SPIDR: variants seen among roughly 807,000 people sequenced by gnomAD.
The protein encoded by SPIDR is DNA repair-scaffolding protein.
SPIDR carries 93 observed loss-of-function variants against 104.6 expected under a neutral mutation model. That is an observed-to-expected ratio of 0.89 (90% confidence interval 0.75 to 1.06). SPIDR has a LOEUF of 1.06. SPIDR is among the 50% of genes least tolerant of loss of function. The pLI is 0.00. For missense variants in SPIDR, 1,154 were observed against 1,111.2 expected, an observed-to-expected ratio of 1.04 and a Z score of -0.55; for synonymous variants, 431 against 416.9, an observed-to-expected ratio of 1.03 and a Z score of -0.41.
At chr8:47,578,194 C>T (rs1026990295) in intron 8 of SPIDR, among the ~76,000 whole-genome samples, 1 of 152,142 alleles carries the variant, frequency 6.6e-6, no homozygotes, top group East Asian at 1.9e-4. Flanking sequence ...CATAATCAGC[C>T]GGGTGCGGTG....
chr8:47,545,304 A>T (rs997140579), intron 8 of SPIDR, among the ~76,000 whole-genome samples: 1 of 151,674 alleles, frequency 6.6e-6, no homozygotes, highest in Non-Finnish European at 1.5e-5. Flanking sequence ...TCCTGACCTA[A>T]GTGATTCGCC....
In SPIDR at chr8:47,583,142, C is replaced by G. The variant is rs564482206; in HGVS notation, c.1098-12669C>G. Among the ~76,000 whole-genome samples, 618 of 141,182 alleles carry G rather than the reference C, an allele frequency of 4.4e-3. 6 individuals carry two copies. The highest frequency in any genetic ancestry group is 0.016 in the African/African-American group (585 of 37,262). 92.6% of individuals were successfully genotyped at this position (141,182 alleles called of 152,430 possible). A position where few individuals can be genotyped will look rare whatever the true frequency, so the allele number is the denominator to read the frequency against. ...TGCAACCCTGTCTCTACTAAAAATA[C>G]AAAAAAAAAAAAAATTAGCCGGGCG... On this transcript the variant is annotated intron_variant, in intron 8 of 19. Coordinates refer to ENST00000297423, the MANE Select transcript of SPIDR (RefSeq NM_001080394.4).
intron 5 of SPIDR, among the ~76,000 whole-genome samples, chr8:47,350,764 A>G (rs1286994919): frequency 2.0e-5 from 3 of 152,234 alleles, no homozygotes; most frequent in Non-Finnish European, 4.4e-5. Flanking sequence ...ATTTGAAAGC[A>G]GTACTATAAC....
intron 8 of SPIDR, among the ~76,000 whole-genome samples, chr8:47,472,906 C>T (rs1554721823): frequency 6.6e-6 from 1 of 152,192 alleles, no homozygotes; most frequent in Non-Finnish European, 1.5e-5. Flanking sequence ...AAGGTAAAGA[C>T]TGGAAAAGCA....
chr8:47,663,603 C>G (rs1246156812), intron 10 of SPIDR, among the ~76,000 whole-genome samples: 1 of 152,228 alleles, frequency 6.6e-6, no homozygotes, highest in Non-Finnish European at 1.5e-5. Context: ...GCATGTGTTG[C>G]ACTTCCATTA....
At chr8:47,681,593 CAT>C (rs999668262) in intron 11 of SPIDR, among the ~76,000 whole-genome samples, 3 of 152,116 alleles carry the variant, frequency 2.0e-5, no homozygotes, top group African/African-American at 7.2e-5. Context: ...TTAAAGGAAA[CAT>C]ATTTTTTAAA....
chr8:47,454,983 C>T (rs1451652115), intron 8 of SPIDR, among the ~76,000 whole-genome samples: 3 of 152,068 alleles, frequency 2.0e-5, no homozygotes, highest in Non-Finnish European at 4.4e-5. Flanking sequence ...AAAAATGCTA[C>T]AGCAAGTCCT....
intron 8 of SPIDR, among the ~76,000 whole-genome samples, chr8:47,576,862 G>A (rs765306680): frequency 2.6e-5 from 4 of 152,182 alleles, no homozygotes; most frequent in East Asian, 1.9e-4. Context: ...TAGTTTAGGT[G>A]ATATTATGGC....
intron 8 of SPIDR, among the ~76,000 whole-genome samples, chr8:47,566,395 C>T (rs959985606): frequency 7.9e-5 from 12 of 152,040 alleles, no homozygotes; most frequent in African/African-American, 2.9e-4. Context: ...TACAGATCTA[C>T]TTCCCTTTTC....
intron 14 of SPIDR, among the ~76,000 whole-genome samples, chr8:47,706,614 T>A (rs992904438): frequency 1.1e-4 from 17 of 152,164 alleles, no homozygotes; most frequent in African/African-American, 3.4e-4. Context: ...TATAGCCACG[T>A]CGATCCTTTT....
chr8:47,476,656 G>T (rs573445994), intron 8 of SPIDR, among the ~76,000 whole-genome samples: 1 of 151,324 alleles, frequency 6.6e-6, no homozygotes, highest in Admixed American at 6.6e-5. Context: ...CCGAACTAAG[G>T]GTGTGTCTAA....
At chr8:47,414,743 C>G (rs943656532) in intron 7 of SPIDR, among the ~76,000 whole-genome samples, 18 of 152,042 alleles carry the variant, frequency 1.2e-4, no homozygotes, top group African/African-American at 3.6e-4. Flanking sequence ...GCCTTTGGGT[C>G]GTTTCCATAT....
At chr8:47,323,708 G>C (rs1331845508) in intron 5 of SPIDR, among the ~76,000 whole-genome samples, 1 of 152,142 alleles carries the variant, frequency 6.6e-6, no homozygotes, top group Non-Finnish European at 1.5e-5. Context: ...GAACATAGAA[G>C]ACATTCAAGC....
chr8:47,461,739 C>T (rs1554713672), intron 8 of SPIDR, among the ~76,000 whole-genome samples: 1 of 151,882 alleles, frequency 6.6e-6, no homozygotes, highest in Non-Finnish European at 1.5e-5. Flanking sequence ...GAACATTTTG[C>T]ATTTCACTGT....
At position 47,469,729 on chromosome 8, in the gene SPIDR, C is replaced by T. The variant is rs376328587; in HGVS notation, c.1097+29187C>T. ...ACATGGGGGCCTACTGGAGGGTGGG[C>T]GGAAGGAGGGAGAGGATCAGGAAAA... is the stretch of plus-strand genomic sequence containing the variant. On this transcript the variant is annotated intron_variant, in intron 8 of 19. Transcript: ENST00000297423. Among the ~76,000 whole-genome samples the T allele has an allele frequency of 3.3e-4, 50 of 151,834 alleles. 1 individual carries two copies. In the South Asian group the frequency reaches 8.1e-3, roughly 25 times the overall value.
chr8:47,671,981 A>C (rs910663351), intron 10 of SPIDR, among the ~76,000 whole-genome samples: 1 of 152,068 alleles, frequency 6.6e-6, no homozygotes, highest in African/African-American at 2.4e-5. Flanking sequence ...GTTTTGAGAC[A>C]GGGTCTTGCT....
intron 11 of SPIDR, among the ~76,000 whole-genome samples, chr8:47,690,772 T>C (rs1025689606): frequency 6.6e-6 from 1 of 152,106 alleles, no homozygotes; most frequent in African/African-American, 2.4e-5. Flanking sequence ...TGAGCCAAGA[T>C]CGCACCATTG....
chr8:47,563,255 G>A (rs1043442570), intron 8 of SPIDR, among the ~76,000 whole-genome samples: 5 of 151,806 alleles, frequency 3.3e-5, no homozygotes, highest in African/African-American at 7.3e-5. Flanking sequence ...CTGCAGCCTC[G>A]AACTCCTAGG....
chr8:47,712,834 C>G lies in SPIDR; in HGVS notation c.2150C>G (p.Pro717Arg). The G allele has an allele frequency of 6.2e-7, 1 of 1,614,118 alleles. No homozygotes were observed. The highest frequency in any genetic ancestry group is 1.1e-5 in the South Asian group (1 of 91,074). The change falls in exon 15 of 20, where the codon CCT becomes CGT. Residue 717 changes from proline (P) to arginine (R), a missense_variant. By Grantham distance (103) the Pro-to-Arg change is moderately radical. Coordinates refer to ENST00000297423, the MANE Select transcript of SPIDR (RefSeq NM_001080394.4). ...CTGGAGGCACTCGCTGGGGCTGCCC[C>G]TCACAGCCTCTTCTTCAAGGACGCT... ...EVLEALAGAA[P>R]HSLFFKDALR...
Sources: gnomAD v4.1 joint callset for allele counts (sites outside exome capture counted in the v4.1 genomes callset) on GRCh38, gnomAD v4.1.1 for gene constraint, MANE v1.5 for transcripts, NCBI Gene and HGNC (gene_info 2026-07-23, HGNC 2026-07-21) for gene names.